Variants in CDK14 observed in about 807,000 individuals in gnomAD.
CDK14 encodes cyclin-dependent kinase 14.
CDK14 carries 34 observed loss-of-function variants against 60.7 expected under a neutral mutation model. The observed-to-expected ratio is 0.56, with a 90% CI of 0.43 to 0.75. CDK14 has a LOEUF of 0.75. CDK14 is among the 30% of genes least tolerant of loss of function. CDK14 has a pLI of 0.00. For synonymous variants in CDK14, 197 were observed against 203.7 expected, an observed-to-expected ratio of 0.97 and a Z score of 0.28; for missense variants, 482 against 564.1, an observed-to-expected ratio of 0.85 and a Z score of 1.47.
intron 1 of CDK14, among the ~76,000 whole-genome samples, chr7:90,599,884 C>G (rs568666395): frequency 5.3e-5 from 8 of 152,282 alleles, no homozygotes; most frequent in Admixed American, 5.2e-4. Context: ...TTGAAAGTAT[C>G]TGATGTCTGG....
At chr7:91,029,897 C>T (rs553457499) in intron 10 of CDK14, among the ~76,000 whole-genome samples, 2 of 152,252 alleles carry the variant, frequency 1.3e-5, no homozygotes, top group South Asian at 4.1e-4. Context: ...ATTTGAATGC[C>T]CTTTATTTCT....
At chr7:91,112,483 G>A in intron 12 of CDK14, 59 bp from the exon 13 acceptor site, 1 of 1,554,070 alleles carries the variant, frequency 6.4e-7, no homozygotes, top group Non-Finnish European at 8.8e-7. Context: ...TAAGCTTTAT[G>A]TCTTATTTAG....
intron 5 of CDK14, among the ~76,000 whole-genome samples, chr7:90,854,845 A>G (rs1032223373): frequency 6.6e-6 from 1 of 152,164 alleles, no homozygotes; most frequent in East Asian, 1.9e-4. Context: ...TCAGTCCCTA[A>G]ATTGTCTCTT....
At chr7:90,813,704 G>A (rs551402425) in intron 5 of CDK14, among the ~76,000 whole-genome samples, 76 of 151,860 alleles carry the variant, frequency 5.0e-4, no homozygotes, top group African/African-American at 1.6e-3. Context: ...AGCTGAGATC[G>A]CGCCACTACA....
chr7:90,916,016 CTTAT>C (rs1793068016), intron 7 of CDK14, among the ~76,000 whole-genome samples: 1 of 152,152 alleles, frequency 6.6e-6, no homozygotes, highest in Non-Finnish European at 1.5e-5. Flanking sequence ...TCAAAATCAA[CTTAT>C]TTTTAAAATT....
intron 2 of CDK14, among the ~76,000 whole-genome samples, chr7:90,678,531 A>G (rs574185960): frequency 6.6e-6 from 1 of 152,346 alleles, no homozygotes; most frequent in African/African-American, 2.4e-5. Context: ...ATTGAAATGA[A>G]CTGAAAGGTG....
At chr7:90,898,333 T>C (rs1792399845) in intron 6 of CDK14, among the ~76,000 whole-genome samples, 1 of 152,072 alleles carries the variant, frequency 6.6e-6, no homozygotes, top group South Asian at 2.1e-4. Context: ...CTGCATTGTA[T>C]CCTCAGCAAT....
At chr7:90,631,351 A>G (rs1211081955) in intron 2 of CDK14, among the ~76,000 whole-genome samples, 1 of 152,112 alleles carries the variant, frequency 6.6e-6, no homozygotes, top group Non-Finnish European at 1.5e-5. Context: ...CTTCACTTGC[A>G]TTTTCATTTA....
chr7:90,816,357 A>G (rs1052091036), intron 5 of CDK14, among the ~76,000 whole-genome samples: 5 of 152,216 alleles, frequency 3.3e-5, no homozygotes, highest in Non-Finnish European at 5.9e-5. Context: ...AAAGTTTTCT[A>G]ATGAAAACTC....
At chr7:91,173,699 G>A (rs113957303) in intron 14 of CDK14, among the ~76,000 whole-genome samples, 8,809 of 152,208 alleles carry the variant, frequency 0.058, 375 homozygotes, top group Admixed American at 0.14. Flanking sequence ...GGTGACGGAC[G>A]GCACCTGGAA....
chr7:90,891,042 A>G (rs544707044), intron 6 of CDK14, among the ~76,000 whole-genome samples: 1 of 152,308 alleles, frequency 6.6e-6, no homozygotes, highest in African/African-American at 2.4e-5. Context: ...ATAAGCATCA[A>G]GGCATCCACC....
intron 14 of CDK14, among the ~76,000 whole-genome samples, chr7:91,137,468 GA>G (rs1027065229): frequency 6.6e-6 from 1 of 151,488 alleles, no homozygotes; most frequent in South Asian, 2.1e-4. Context: ...TGCTTTCTGG[GA>G]AAAAAAAGTA....
chr7:91,173,603 C>T (rs1470345368), intron 14 of CDK14, among the ~76,000 whole-genome samples: 3 of 151,744 alleles, frequency 2.0e-5, no homozygotes, highest in East Asian at 1.9e-4. Context: ...GTGCATGCAC[C>T]GTGCGCGAGC....
At chr7:91,047,241 G>A (rs1420459236) in intron 11 of CDK14, among the ~76,000 whole-genome samples, 1 of 152,176 alleles carries the variant, frequency 6.6e-6, no homozygotes, top group African/African-American at 2.4e-5. Context: ...CTAGGCAAAT[G>A]AAACAGGAGA....
intron 8 of CDK14, among the ~76,000 whole-genome samples, chr7:90,931,654 A>G (rs1476412276): frequency 1.3e-5 from 2 of 152,230 alleles, no homozygotes; most frequent in Non-Finnish European, 2.9e-5. Context: ...ATAGCTGTAA[A>G]TTATTTTCTT....
chr7:90,712,686 T>A (rs1802109054), intron 2 of CDK14, among the ~76,000 whole-genome samples: 1 of 152,108 alleles, frequency 6.6e-6, no homozygotes, highest in Admixed American at 6.6e-5. Flanking sequence ...TATATTTATC[T>A]ATGGATGTAT....
At chr7:90,947,323 A>T (rs986653595) in intron 8 of CDK14, among the ~76,000 whole-genome samples, 2 of 152,158 alleles carry the variant, frequency 1.3e-5, no homozygotes, top group African/African-American at 2.4e-5. Context: ...CTACCATCCA[A>T]TGTGAGCCCC....
chr7:90,652,583 A>G (rs1261667391), intron 2 of CDK14, among the ~76,000 whole-genome samples: 1 of 152,246 alleles, frequency 6.6e-6, no homozygotes, highest in Non-Finnish European at 1.5e-5. Context: ...GAAAAGATAC[A>G]TTAAATAGTG....
At chr7:90,640,994 G>A (rs957551706) in intron 2 of CDK14, among the ~76,000 whole-genome samples, 1 of 151,780 alleles carries the variant, frequency 6.6e-6, no homozygotes, top group African/African-American at 2.4e-5. Context: ...ATATGAAAAG[G>A]TGTTGAACTT....
Sources: allele counts gnomAD v4.1 joint callset (sites outside exome capture counted in the v4.1 genomes callset), GRCh38; gene constraint gnomAD v4.1.1; transcripts MANE v1.5; gene names NCBI Gene and HGNC (gene_info 2026-07-23, HGNC 2026-07-21).